The following AGAP1 variants were observed in gnomAD, a reference collection of about 807,000 sequenced individuals.
AGAP1 encodes the protein arf-GAP with GTPase, ANK repeat and PH domain-containing protein 1.
Under a neutral mutation model 105.3 loss-of-function variants are expected in AGAP1, and 29 were observed. That is an observed-to-expected ratio of 0.28 (90% CI 0.21 to 0.38). The LOEUF is 0.38. Ranked by LOEUF, AGAP1 falls within the 10% of genes least tolerant of loss-of-function variation. The pLI, the probability that AGAP1 is intolerant of heterozygous loss-of-function variation, is 1.00. For missense variants in AGAP1, 998 were observed against 1,165.1 expected, an observed-to-expected ratio of 0.86 and a Z score of 2.09; for synonymous variants, 509 against 485.9, an observed-to-expected ratio of 1.05 and a Z score of -0.63.
Position 235,982,689 on chromosome 2 carries a change from C to T in AGAP1, c.1645+14066C>T, listed in dbSNP as rs192749160. On this transcript the variant is annotated intron_variant, in intron 13 of 17. Transcript: ENST00000304032. The surrounding 1 kb of genome is among the most constrained non-coding windows in gnomAD (Gnocchi z 4.9). ...CAGTCCGTTCGTGGAAGGAAAGAAC[C>T]GAAGCCAGCCCTTGGCTGCCATTCT... is the stretch of plus-strand genomic sequence containing the variant. 6.4e-4 allele frequency among the ~76,000 whole-genome samples: 97 copies of T among 152,338 alleles called. 1 individual carries two copies. Among genetic ancestry groups the T allele is most frequent in the Middle Eastern group, 3.4e-3 (1 of 294 alleles).
At chr2:235,998,516 A>ACTT (rs1194758416) in intron 13 of AGAP1, among the ~76,000 whole-genome samples, 2 of 152,170 alleles carry the variant, frequency 1.3e-5, no homozygotes, top group African/African-American at 4.8e-5. Flanking sequence ...ATAGATTAGT[A>ACTT]CTTCACTCAT....
At position 235,910,293 on chromosome 2, in the gene AGAP1, G is replaced by T. The variant is rs995421397; in HGVS notation, c.1324+1387G>T. Reference sequence around the variant, plus strand: ...GCCTGGCCTGCCTGTGTTGCAGGGGGGCGGTGTCAGAGGAGACAACATGAA... The same window carrying T: ...GCCTGGCCTGCCTGTGTTGCAGGGGTGCGGTGTCAGAGGAGACAACATGAA... On this transcript the variant is annotated intron_variant, in intron 11 of 17. Transcript: ENST00000304032. Among the ~76,000 whole-genome samples, 18 of 5,894 alleles carry T rather than the reference G, an allele frequency of 3.1e-3. No homozygotes were observed. The Admixed American group carries it at 0.032, about 10-fold the overall frequency. 3.9% of individuals were successfully genotyped at this position (5,894 alleles called of 152,430 possible). A position where few individuals can be genotyped will look rare whatever the true frequency, so the allele number is the denominator to read the frequency against.
rs1167618747 is a variant in AGAP1 at position 235,639,489 on chromosome 2, G to A, written c.164-69690G>A. On this transcript the variant is annotated intron_variant, in intron 1 of 17. Transcript: ENST00000304032. The surrounding 1 kb of genome is among the most constrained non-coding windows in gnomAD (Gnocchi z 5.3). ...TCTCTGGCCAGAGCTGTTGCTCAGC[G>A]ACTGTTGGCTGGTGAGGATGAGGCT... Among the ~76,000 whole-genome samples, 5 of 152,160 alleles carry A rather than the reference G, an allele frequency of 3.3e-5. No homozygotes were observed. Among genetic ancestry groups the A allele is most frequent in the East Asian group, 1.9e-4 (1 of 5,174 alleles).
intron 10 of AGAP1, among the ~76,000 whole-genome samples, chr2:235,885,517 T>G (rs1299746653): frequency 6.6e-6 from 1 of 152,240 alleles, no homozygotes; most frequent in Non-Finnish European, 1.5e-5. Flanking sequence ...GCTTTCATGG[T>G]TTTTGCTGTA....
intron 13 of AGAP1, among the ~76,000 whole-genome samples, chr2:235,984,062 C>T (rs987869988): frequency 7.2e-5 from 11 of 152,186 alleles, no homozygotes; most frequent in Non-Finnish European, 1.6e-4. Context: ...AACAACTCCC[C>T]AGCCCCTACT....
chr2:235,750,284 G>GA lies in AGAP1; in HGVS notation c.539-70_539-69insA. The stretch of plus-strand genomic sequence containing the variant: ...GAGTAAGGTACTGGTTTTCCGTGTT[G>GA]TGGGGAGTGTAGGAAGTATTTAGAG... On this transcript the variant is annotated intron_variant, in intron 5 of 17. Coordinates refer to ENST00000304032, the MANE Select transcript of AGAP1 (RefSeq NM_001037131.3). The surrounding 1 kb of genome is among the most constrained non-coding windows in gnomAD (Gnocchi z 5.3). 1 of 1,596,564 alleles carries GA rather than the reference G, an allele frequency of 6.3e-7. No homozygotes were observed. Among genetic ancestry groups the GA allele is most frequent in the Non-Finnish European group, 8.6e-7 (1 of 1,165,684 alleles).
At chr2:235,510,042 A>C (rs1421049610) in intron 1 of AGAP1, among the ~76,000 whole-genome samples, 4 of 152,178 alleles carry the variant, frequency 2.6e-5, no homozygotes, top group Non-Finnish European at 1.5e-5. Context: ...ATGATCTGTC[A>C]CTGTCTCCTG....
At chr2:235,921,367 A>G (rs1479029692) in intron 11 of AGAP1, among the ~76,000 whole-genome samples, 1 of 152,244 alleles carries the variant, frequency 6.6e-6, no homozygotes, top group Non-Finnish European at 1.5e-5. Flanking sequence ...ATGTATGCAT[A>G]TGTTCAATAA....
chr2:235,796,859 T>A (rs1290722656), intron 6 of AGAP1, among the ~76,000 whole-genome samples: 1 of 152,160 alleles, frequency 6.6e-6, no homozygotes, highest in Non-Finnish European at 1.5e-5. Context: ...AAATCAAAAG[T>A]GTAGTTATTC....
At chr2:235,780,793 T>C (rs1956213729) in intron 6 of AGAP1, among the ~76,000 whole-genome samples, 1 of 152,216 alleles carries the variant, frequency 6.6e-6, no homozygotes, top group South Asian at 2.1e-4. Flanking sequence ...GCTGACAGTC[T>C]GGTTGGTGGT....
chr2:235,949,490 C>T (rs1237433500), intron 12 of AGAP1, among the ~76,000 whole-genome samples: 1 of 152,164 alleles, frequency 6.6e-6, no homozygotes, highest in East Asian at 1.9e-4. Flanking sequence ...TTCTTCTGCA[C>T]CGTGTCTCCG....
Position 236,036,753 on chromosome 2 carries a change from G to C in AGAP1, c.1800+38G>C, listed in dbSNP as rs374620461. The C allele has an allele frequency of 6.2e-7, 1 of 1,611,472 alleles. No individual in the cohort carries two copies. The highest frequency in any genetic ancestry group is 1.3e-5 in the African/African-American group (1 of 74,810). On this transcript the variant is annotated intron_variant, in intron 14 of 17. Transcript: ENST00000304032. The surrounding 1 kb of genome is among the most constrained non-coding windows in gnomAD (Gnocchi z 5.7). ...GCTGCCCAAAACCAAGGCTGGGGCT[G>C]CTCAGGGGGAGTGCGGGCCCCAAGT...
intron 6 of AGAP1, chr2:235,774,414 C>T (rs1234316840): frequency 4.3e-6 from 2 of 469,752 alleles, no homozygotes; most frequent in Non-Finnish European, 4.4e-6. Context: ...TTGAGTACTT[C>T]CCTTCCATCA....
chr2:235,604,486 TAAAAA>T (rs67745854), intron 1 of AGAP1, among the ~76,000 whole-genome samples: 5 of 135,182 alleles, frequency 3.7e-5, no homozygotes, highest in East Asian at 2.3e-4. Context: ...TGTATCAAAA[TAAAAA>T]AAAAAAAAGT....
At chr2:236,064,793 G>A (rs2058300874) in intron 16 of AGAP1, among the ~76,000 whole-genome samples, 1 of 152,110 alleles carries the variant, frequency 6.6e-6, no homozygotes, top group Admixed American at 6.5e-5. Flanking sequence ...TTGGGGGTGT[G>A]GAAGGAATGA....
chr2:235,517,348 C>CA lies in AGAP1; in HGVS notation c.163+22500dup, dbSNP rs1175609157. ...GGGGGATACTGCGCAGTCCGTACAG[C>CA]ATCCCTCCCTCCCTGGTGGTTTCTG... On this transcript the variant is annotated intron_variant, in intron 1 of 17. Coordinates refer to ENST00000304032, the MANE Select transcript of AGAP1 (RefSeq NM_001037131.3). The surrounding 1 kb of genome is among the most constrained non-coding windows in gnomAD (Gnocchi z 4.1). 6.6e-6 allele frequency among the ~76,000 whole-genome samples: 1 copy of CA among 152,204 alleles called. No individual in the cohort carries two copies.
chr2:235,528,530 G>A (rs1335534306), intron 1 of AGAP1, among the ~76,000 whole-genome samples: 6 of 152,128 alleles, frequency 3.9e-5, no homozygotes, highest in Non-Finnish European at 7.3e-5. Context: ...TGCATATGGC[G>A]AGATGCTCGA....
chr2:235,676,099 G>A lies in AGAP1; in HGVS notation c.164-33080G>A, dbSNP rs566548944. Among the ~76,000 whole-genome samples, 4 of 152,348 alleles carry A rather than the reference G, an allele frequency of 2.6e-5. No homozygotes were observed. In the South Asian group the frequency reaches 8.3e-4, roughly 32 times the overall value. ...TGGTGTGTTCTGCATTCACTAGGCA[G>A]TGGAAGCTGGAGCTAACTAGAGCAC... On this transcript the variant is annotated intron_variant, in intron 1 of 17. Coordinates refer to ENST00000304032, the MANE Select transcript of AGAP1 (RefSeq NM_001037131.3).
intron 9 of AGAP1, among the ~76,000 whole-genome samples, chr2:235,841,472 T>C (rs965266451): frequency 3.3e-5 from 5 of 152,004 alleles, no homozygotes; most frequent in African/African-American, 9.7e-5. Flanking sequence ...GTACAACAAA[T>C]AAACAGATTA....
Sources: allele counts gnomAD v4.1 joint callset (sites outside exome capture counted in the v4.1 genomes callset), GRCh38; gene constraint gnomAD v4.1.1; non-coding constraint Gnocchi (gnomAD v3.1); transcripts MANE v1.5; gene names NCBI Gene and HGNC (gene_info 2026-07-23, HGNC 2026-07-21).